Variants in CRLF2 observed in about 807,000 individuals in gnomAD.
CRLF2 encodes the protein cytokine receptor-like factor 2.
Under a neutral mutation model 38.7 loss-of-function variants are expected in CRLF2, and 41 were observed. That is an observed-to-expected ratio of 1.06 (90% CI 0.83 to 1.37). The LOEUF is 1.37. Among genes scored for constraint, CRLF2 ranks in the 40% most tolerant of loss-of-function variants. The pLI, the probability that CRLF2 is intolerant of heterozygous loss-of-function variation, is 0.00. For missense variants in CRLF2, 377 were observed against 322.2 expected, an observed-to-expected ratio of 1.17 and a Z score of -1.30; for synonymous variants, 140 against 128.8, an observed-to-expected ratio of 1.09 and a Z score of -0.59.
At chrX:1,200,936 G>T (rs28793348) in intron 4 of CRLF2, among the ~76,000 whole-genome samples, 75,787 of 151,444 alleles carry the variant, frequency 0.5, 19,531 homozygotes, top group East Asian at 0.68. Flanking sequence ...TCTGGGAAAT[G>T]CATTGTGAGG....
intron 6 of CRLF2, among the ~76,000 whole-genome samples, chrX:1,195,464 G>A (rs1477793505): frequency 2.0e-5 from 3 of 151,820 alleles, no homozygotes; most frequent in Non-Finnish European, 4.4e-5. Flanking sequence ...GTGGAGTGCA[G>A]TGGTGCAATC....
chrX:1,212,600 A>G lies in CRLF2; in HGVS notation c.35T>C (p.Val12Ala), dbSNP rs367931029. Residue 12 changes from valine to alanine, a missense_variant, in exon 1 of 8, where the codon GTC becomes GCC. Val to Ala is a moderately conservative substitution (Grantham distance 64, BLOSUM62 0). Transcript: ENST00000400841. The part of the protein sequence containing the change: ...GRLVLLWGAA[V>A]FLLGGWMALG... ...AGCCATCCAGCCTCCCAGCAGAAAG[A>G]CGGCAGCTCCCCACAGCAGAACCAG... The G allele has an allele frequency of 1.4e-5, 22 of 1,612,672 alleles. No homozygotes were observed. In the African/African-American group the frequency reaches 2.1e-4, roughly 16 times the overall value.
intron 1 of CRLF2, among the ~76,000 whole-genome samples, chrX:1,211,823 G>A: frequency 1.2e-5 from 1 of 86,116 alleles, no homozygotes; most frequent in African/African-American, 6.7e-5. Flanking sequence ...ATGGATGGAT[G>A]GATAAGTGGA....
intron 5 of CRLF2, among the ~76,000 whole-genome samples, chrX:1,197,395 C>A (rs754647377): frequency 6.6e-6 from 1 of 151,884 alleles, no homozygotes; most frequent in African/African-American, 2.4e-5. Context: ...CACAGCCACC[C>A]CGAGGAAGTA....
rs752740413 is a variant in CRLF2, at chrX:1,206,547, C to T, written c.235G>A (p.Gly79Ser). 1 of 1,613,692 alleles carries T rather than the reference C, an allele frequency of 6.2e-7. No homozygotes were observed. The highest frequency in any genetic ancestry group is 1.7e-5 in the Admixed American group (1 of 59,988). The change falls in exon 3 of 8, where the codon GGT (glycine) becomes AGT (serine). Residue 79 changes from glycine to serine, a missense_variant. Physicochemically the swap from Gly to Ser is moderately conservative, Grantham distance 56. Coordinates refer to ENST00000400841, the MANE Select transcript of CRLF2 (RefSeq NM_022148.4). ...DQCTNYLLQE[G>S]HTSGCLLDAE... Reference sequence around the variant, plus strand: ...TCTAGGAGGCACCCCGAAGTGTGACCTTCCTGGAGAAGGTAGTTGGTGCAC... The same window carrying T: ...TCTAGGAGGCACCCCGAAGTGTGACTTTCCTGGAGAAGGTAGTTGGTGCAC...
At chrX:1,198,517 G>A in intron 5 of CRLF2, 45 bp downstream of exon 5, 1 of 1,593,602 alleles carries the variant, frequency 6.3e-7, no homozygotes, top group Non-Finnish European at 8.6e-7. Context: ...GCCTACTCCA[G>A]CCTGGTGACA....
chrX:1,203,223 C>A (rs1428782808), intron 3 of CRLF2, among the ~76,000 whole-genome samples: 2 of 151,776 alleles, frequency 1.3e-5, no homozygotes, highest in African/African-American at 2.4e-5. Context: ...GACAGGTGTC[C>A]TTCTCGGAGA....
In CRLF2 at chrX:1,202,526, C is replaced by G. The variant is rs1569470707; in HGVS notation, c.359G>C (p.Ser120Thr). ...SRWMVYYLKP[S>T]SPKHVRFSWH... Reference sequence around the variant, plus strand: ...CGAAAATCTCACGTGCTTCGGGGAACTGGGTTTCACTGAGAAGAAGAAATA... The same window carrying G: ...CGAAAATCTCACGTGCTTCGGGGAAGTGGGTTTCACTGAGAAGAAGAAATA... Residue 120 changes from serine to threonine, a missense_variant, in exon 4 of 8, where the codon AGT (serine) becomes ACT (threonine). Transcript: ENST00000400841. The G allele has an allele frequency of 2.5e-6, 4 of 1,613,612 alleles. No homozygotes were observed. The African/African-American group carries it at 4.0e-5, about 16-fold the overall frequency.
intron 4 of CRLF2, 170 bp from the exon 5 acceptor site, chrX:1,198,894 A>C (rs2086550857): frequency 1.5e-6 from 1 of 686,432 alleles, no homozygotes; most frequent in East Asian, 2.7e-5. Context: ...CACTCCTGTA[A>C]ACCCAACGCT....
At chrX:1,212,257 A>G (rs1239889003) in intron 1 of CRLF2, among the ~76,000 whole-genome samples, 1 of 152,000 alleles carries the variant, frequency 6.6e-6, no homozygotes, top group Non-Finnish European at 1.5e-5. Context: ...AGATAGACAC[A>G]CACACGCACA....
chrX:1,193,375 G>C (rs1266754414), intron 6 of CRLF2, 73 bp from the exon 7 acceptor site: 1 of 398,236 alleles, frequency 2.5e-6, no homozygotes, highest in African/African-American at 2.1e-5. Context: ...AGCACCTACA[G>C]GGCATGGACC....
At chrX:1,194,525 A>T (rs1371686149) in intron 6 of CRLF2, among the ~76,000 whole-genome samples, 1 of 152,124 alleles carries the variant, frequency 6.6e-6, no homozygotes, top group Non-Finnish European at 1.5e-5. Flanking sequence ...CTGTGCACAC[A>T]GCAGATTTGC....
intron 7 of CRLF2, among the ~76,000 whole-genome samples, 188 bp from the exon 8 acceptor site, chrX:1,191,348 T>TCCTTCCTTCCTTCCTTCCTTCCTTCCTTC (rs1556415577): frequency 8.1e-6 from 1 of 122,756 alleles, no homozygotes; most frequent in African/African-American, 2.8e-5. Context: ...TTTCTTTCCT[T>TCCTTCCTTCCTTCCTTCCTTCCTTCCTTC]CTTTCTTTCT....
At chrX:1,202,248 G>A (rs1444606516) in intron 4 of CRLF2, among the ~76,000 whole-genome samples, 154 bp downstream of exon 4, 2 of 152,074 alleles carry the variant, frequency 1.3e-5, no homozygotes, top group African/African-American at 2.4e-5. Flanking sequence ...AAAAAGCCAA[G>A]CTGGACTAGA....
intron 7 of CRLF2, among the ~76,000 whole-genome samples, chrX:1,192,681 T>C (rs1347533160): frequency 1.3e-5 from 2 of 151,426 alleles, no homozygotes; most frequent in African/African-American, 2.4e-5. Context: ...TTCTCTTTCT[T>C]TTTCTCTTTC....
chrX:1,190,818 G>A lies in CRLF2; in HGVS notation c.*79C>T. The A allele has an allele frequency of 5.0e-6, 2 of 398,718 alleles. No homozygotes were observed. The highest frequency in any genetic ancestry group is 1.3e-4 in the South Asian group (1 of 7,860). 24.7% of individuals were successfully genotyped at this position (398,718 alleles called of 1,614,324 possible). A position where few individuals can be genotyped will look rare whatever the true frequency, so the allele number is the denominator to read the frequency against. On this transcript the variant is annotated 3_prime_UTR_variant, in exon 8 of 8. Coordinates refer to ENST00000400841, the MANE Select transcript of CRLF2 (RefSeq NM_022148.4). Reference sequence around the variant, plus strand: ...GTGGAGACTTCCCATCCATGGTGGTGTGGAGTCCCCGGGACAGTCCCCTCT... The same window carrying A: ...GTGGAGACTTCCCATCCATGGTGGTATGGAGTCCCCGGGACAGTCCCCTCT...
chrX:1,193,406 G>C, intron 6 of CRLF2, 104 bp from the exon 7 acceptor site: 1 of 397,316 alleles, frequency 2.5e-6, no homozygotes, highest in Non-Finnish European at 4.4e-6. Context: ...ACCAAGAATG[G>C]CAGAGCGGGG....
chrX:1,207,504 C>A (rs1238689659), intron 2 of CRLF2, among the ~76,000 whole-genome samples: 4 of 27,178 alleles, frequency 1.5e-4, no homozygotes, highest in South Asian at 9.5e-4. Flanking sequence ...GTGATCCACC[C>A]CCCCCCCCCT....
intron 1 of CRLF2, 117 bp downstream of exon 1, chrX:1,212,439 G>GAAAAAAAAAA: frequency 2.9e-6 from 1 of 344,026 alleles, no homozygotes. Flanking sequence ...AAAAAAAAAA[G>GAAAAAAAAAA]AAAAGAAGAA....
Sources: gnomAD v4.1 joint callset for allele counts (sites outside exome capture counted in the v4.1 genomes callset) on GRCh38, gnomAD v4.1.1 for gene constraint, MANE v1.5 for transcripts, NCBI Gene and HGNC (gene_info 2026-07-23, HGNC 2026-07-21) for gene names.